The following RAB9A variants were observed in gnomAD, a reference collection of about 807,000 sequenced individuals.
The protein encoded by RAB9A is ras-related protein Rab-9A.
In RAB9A, 1 loss-of-function variant was observed where a neutral mutation model predicts 10.3. That is an observed-to-expected ratio of 0.10 (90% CI 0.03 to 0.46). The LOEUF (loss-of-function observed/expected upper bound fraction) is 0.46, where lower values mean the gene tolerates loss of function less well. Ranked by LOEUF, RAB9A falls within the 20% of genes least tolerant of loss-of-function variation. The pLI is 0.96. For synonymous variants in RAB9A, 39 were observed against 55.2 expected, an observed-to-expected ratio of 0.71 and a Z score of 1.30; for missense variants, 92 against 150.3, an observed-to-expected ratio of 0.61 and a Z score of 2.03.
chrX:13,705,932 G>A (rs927170689), intron 2 of RAB9A, among the ~76,000 whole-genome samples: 7 of 111,138 alleles, frequency 6.3e-5, no homozygotes, highest in Non-Finnish European at 1.1e-4. Flanking sequence ...TCCGGGTGAT[G>A]GTGCATTCAG....
chrX:13,704,740 G>C (rs1374422889), intron 2 of RAB9A, among the ~76,000 whole-genome samples: 2 of 109,445 alleles, frequency 1.8e-5, no homozygotes, highest in Non-Finnish European at 3.8e-5. Context: ...TCCGCCTCCT[G>C]AGTAGCTGGG....
intron 1 of RAB9A, among the ~76,000 whole-genome samples, chrX:13,690,903 C>T (rs1019572308): frequency 1.8e-5 from 2 of 110,234 alleles, no homozygotes. Context: ...TGGGGTGGAG[C>T]GGGGATTCAA....
chrX:13,703,254 G>A (rs1009321758), intron 1 of RAB9A, among the ~76,000 whole-genome samples: 3 of 112,272 alleles, frequency 2.7e-5, no homozygotes, highest in South Asian at 3.6e-4. Flanking sequence ...AGAGTCAGTC[G>A]GCCATGTTCA....
At chrX:13,698,620 A>C (rs887975574) in intron 1 of RAB9A, among the ~76,000 whole-genome samples, 1 of 111,232 alleles carries the variant, frequency 9.0e-6, no homozygotes, top group African/African-American at 3.3e-5. Flanking sequence ...TTAATTCTTT[A>C]TTTATTTTTC....
rs2046211425 is a variant in RAB9A, at chrX:13,709,305, A to G, written c.559A>G (p.Thr187Ala). Residue 187 changes from threonine to alanine, a missense_variant, in exon 3 of 3, where the codon ACA (threonine) becomes GCA (alanine). By Grantham distance (58) the Thr-to-Ala change is moderately conservative. Transcript: ENST00000464506. ...GTCAGATCATTTGATTCAGACAGAC[A>G]CAGTCAATCTTCACCGAAAGCCCAA... ...DRSDHLIQTD[T>A]VNLHRKPKPS... is the part of the protein sequence containing the mutation. 13 of 1,208,407 alleles carry G rather than the reference A, an allele frequency of 1.1e-5. No homozygotes were observed. The highest frequency in any genetic ancestry group is 7.8e-6 in the Non-Finnish European group (7 of 893,531).
intron 1 of RAB9A, among the ~76,000 whole-genome samples, chrX:13,696,753 A>G (rs752760473): frequency 8.9e-6 from 1 of 111,995 alleles, no homozygotes; most frequent in African/African-American, 3.2e-5. Flanking sequence ...CTATAAACTG[A>G]GCAGAGAGTT....
chrX:13,692,681 C>CA (rs2046131298), intron 1 of RAB9A, among the ~76,000 whole-genome samples: 1 of 111,887 alleles, frequency 8.9e-6, no homozygotes, highest in Admixed American at 9.5e-5. Context: ...ATTCTGGTGG[C>CA]AGTATTAACT....
rs755868279 is a variant in RAB9A at position 13,709,902 on chromosome X, C to T, written c.*550C>T. On this transcript the variant is annotated 3_prime_UTR_variant, in exon 3 of 3. Coordinates refer to ENST00000464506, the MANE Select transcript of RAB9A (RefSeq NM_004251.5). The stretch of plus-strand genomic sequence containing the variant: ...GTTTTCATTCTACATACTAGAATTA[C>T]TCTCACTAGTAATTACTCATCATTT... The T allele has an allele frequency of 1.6e-5, 2 of 123,741 alleles. No homozygotes were observed. Among genetic ancestry groups the T allele is most frequent in the African/African-American group, 3.2e-5 (1 of 30,944 alleles). The allele number at this position is 123,741 out of a possible 1,213,427, so 10.2% of individuals were successfully genotyped here.
chrX:13,691,863 G>A (rs187941775), intron 1 of RAB9A, among the ~76,000 whole-genome samples: 166 of 109,851 alleles, frequency 1.5e-3, no homozygotes, highest in African/African-American at 5.4e-3. Context: ...TGAGAAGGGC[G>A]GTGGGGAGTC....
chrX:13,692,031 G>T (rs1378956742), intron 1 of RAB9A, among the ~76,000 whole-genome samples: 1 of 110,492 alleles, frequency 9.1e-6, no homozygotes, highest in Non-Finnish European at 1.9e-5. Flanking sequence ...GGCTGAGTGT[G>T]GTGGCTCATG....
intron 2 of RAB9A, among the ~76,000 whole-genome samples, chrX:13,704,603 T>C (rs1294055898): frequency 9.6e-6 from 1 of 104,411 alleles, no homozygotes; most frequent in Non-Finnish European, 1.9e-5. Context: ...TTTTCTTATA[T>C]AGATTTCTTT....
At chrX:13,689,733 C>T (rs971586776) in intron 1 of RAB9A, among the ~76,000 whole-genome samples, 1 of 111,687 alleles carries the variant, frequency 9.0e-6, no homozygotes, top group Admixed American at 9.5e-5. Context: ...TTGGCGACCT[C>T]TGAAGTTCCA....
intron 2 of RAB9A, among the ~76,000 whole-genome samples, chrX:13,706,632 C>T (rs1263048039): frequency 1.8e-5 from 2 of 108,352 alleles, no homozygotes; most frequent in African/African-American, 6.8e-5. Context: ...CTCCTGACCT[C>T]AAGTGACCTG....
In RAB9A at chrX:13,709,725, GTA is replaced by G. The variant is rs1405631240; in HGVS notation, c.*375_*376del. 7.8e-6 allele frequency: 1 copy of G among 129,031 alleles called. No homozygotes were observed. Among genetic ancestry groups the G allele is most frequent in the African/African-American group, 3.2e-5 (1 of 31,056 alleles). 10.6% of individuals were successfully genotyped at this position (129,031 alleles called of 1,213,427 possible). ...AAATGGAGAACTACTTTTTATATGTGTATGTTTTTATGCAATTAGCATTGTAT... is the reference window on the plus strand; with the variant it reads ...AAATGGAGAACTACTTTTTATATGTGTGTTTTTATGCAATTAGCATTGTAT... On this transcript the variant is annotated 3_prime_UTR_variant, in exon 3 of 3. Transcript: ENST00000464506.
chrX:13,698,190 C>CTTTTTTTTTTTTTTTTTT (rs67802719), intron 1 of RAB9A, among the ~76,000 whole-genome samples: 8 of 38,324 alleles, frequency 2.1e-4, no homozygotes, highest in South Asian at 2.4e-3. Flanking sequence ...TCTTTTTTTT[C>CTTTTTTTTTTTTTTTTTT]TTTTTTTTTT....
In RAB9A at chrX:13,705,687, T is replaced by C. The variant is rs2046194248; in HGVS notation, c.-27+1785T>C. On this transcript the variant is annotated intron_variant, in intron 2 of 2. Coordinates refer to ENST00000464506, the MANE Select transcript of RAB9A (RefSeq NM_004251.5). ...AGGCTGTTAGATCAGTAGAGACTTATTAAAATACTGGAATAAATTATGTCT... is the reference window on the plus strand; with the variant it reads ...AGGCTGTTAGATCAGTAGAGACTTACTAAAATACTGGAATAAATTATGTCT... Among the ~76,000 whole-genome samples, 3 of 112,001 alleles carry C rather than the reference T, an allele frequency of 2.7e-5. No homozygotes were observed. In the South Asian group the frequency reaches 1.1e-3, roughly 41 times the overall value.
At position 13,710,206 on chromosome X, in the gene RAB9A, CTAAA is replaced by C. The variant is rs755589899; in HGVS notation, c.*857_*860del. ...ACAAAATTACAATTCGATTAATGGACTAAATATTTTTGTTACTTTCTTGACCCTT... is the reference window on the plus strand; with the variant it reads ...ACAAAATTACAATTCGATTAATGGACTATTTTTGTTACTTTCTTGACCCTT... On this transcript the variant is annotated 3_prime_UTR_variant, in exon 3 of 3. Transcript: ENST00000464506. 4.8e-5 allele frequency: 6 copies of C among 123,948 alleles called. No individual in the cohort carries two copies. The highest frequency in any genetic ancestry group is 1.1e-4 in the Non-Finnish European group (6 of 53,392). The allele number at this position is 123,948 out of a possible 1,213,427, so 10.2% of individuals were successfully genotyped here.
chrX:13,691,327 G>A (rs1441873358), intron 1 of RAB9A, among the ~76,000 whole-genome samples: 1 of 110,980 alleles, frequency 9.0e-6, no homozygotes, highest in Non-Finnish European at 1.9e-5. Flanking sequence ...AGTGAGCAGG[G>A]GAAAATTCTC....
chrX:13,698,660 C>T (rs2046159180), intron 1 of RAB9A, among the ~76,000 whole-genome samples: 1 of 110,877 alleles, frequency 9.0e-6, no homozygotes, highest in African/African-American at 3.3e-5. Flanking sequence ...GAGCTGGTAC[C>T]CATTAGACAT....
Sources: gnomAD v4.1 joint callset for allele counts (sites outside exome capture counted in the v4.1 genomes callset) on GRCh38, gnomAD v4.1.1 for gene constraint, MANE v1.5 for transcripts, NCBI Gene and HGNC (gene_info 2026-07-23, HGNC 2026-07-21) for gene names.